SARS1: variants seen among roughly 807,000 people sequenced by gnomAD.
SARS1 encodes the protein seryl-tRNA synthetase 1, also known as serine--tRNA ligase, cytoplasmic.
In SARS1, 25 loss-of-function variants were observed where a neutral mutation model predicts 63.7. The ratio of observed to expected loss-of-function variants is 0.39; its 90% CI spans 0.29 to 0.55. The LOEUF is 0.55. Ranked by LOEUF, SARS1 falls within the 20% of genes least tolerant of loss-of-function variation. SARS1 has a pLI of 0.62. For synonymous variants in SARS1, 231 were observed against 243.5 expected, an observed-to-expected ratio of 0.95 and a Z score of 0.48; for missense variants, 417 against 649.7, an observed-to-expected ratio of 0.64 and a Z score of 3.89.
intron 1 of SARS1, among the ~76,000 whole-genome samples, chr1:109,221,981 T>C (rs1430381558): frequency 0.013 from 73 of 5,442 alleles, no homozygotes; most frequent in South Asian, 0.029. Flanking sequence ...TATATATATA[T>C]ATATATATAT....
chr1:109,221,209 T>G lies in SARS1; in HGVS notation c.137-2769T>G, dbSNP rs578008806. Among the ~76,000 whole-genome samples the G allele has an allele frequency of 3.9e-5, 6 of 152,112 alleles. No individual in the cohort carries two copies. The South Asian group carries it at 1.2e-3, about 32-fold the overall frequency. ...CTGAGTAGCTGGGACTACAGGTGCG[T>G]GCCACCACGCCCAGCTAATTTTTGT... On this transcript the variant is annotated intron_variant, in intron 1 of 10. Coordinates refer to ENST00000234677, the MANE Select transcript of SARS1 (RefSeq NM_006513.4).
Position 109,214,103 on chromosome 1 carries a change from G to A in SARS1, c.111G>A (p.Val37=), listed in dbSNP as rs758134857. ...ACCCGGGACTAGTGGACCAGCTGGT[G>A]AAGGCAGACAGCGAGTGGCGACGAT... is the stretch of plus-strand genomic sequence containing the variant. The part of the protein sequence containing the change: ...FKDPGLVDQL[V]KADSEWRRCR... Residue 37 remains valine (V), a synonymous_variant, in exon 1 of 11, where the codon GTG becomes GTA. Transcript: ENST00000234677. This position sits in a 1 kb window ranked among gnomAD's most constrained non-coding sequence, Gnocchi z 4.6. The A allele has an allele frequency of 1.9e-6, 3 of 1,614,078 alleles. No individual in the cohort carries two copies. In the African/African-American group the frequency reaches 4.0e-5, roughly 22 times the overall value.
At position 109,231,551 on chromosome 1, in the gene SARS1, G is replaced by A. The variant is rs1008545845; in HGVS notation, c.592-80G>A. On this transcript the variant is annotated intron_variant, in intron 5 of 10. Coordinates refer to ENST00000234677, the MANE Select transcript of SARS1 (RefSeq NM_006513.4). ...TCGGTAGTCCTGTTCTCTTGGCCCA[G>A]GTGCCTTTAGGTGTCAGTTCTAGCT... 18 of 1,250,926 alleles carry A rather than the reference G, an allele frequency of 1.4e-5. 2 individuals carry two copies. In the South Asian group the frequency reaches 3.8e-4, roughly 26 times the overall value. The allele number at this position is 1,250,926 out of a possible 1,614,324, so 77.5% of individuals were successfully genotyped here.
In SARS1 at chr1:109,235,400, G is replaced by A. The variant is rs550181025; in HGVS notation, c.938G>A (p.Arg313His). The A allele has an allele frequency of 1.1e-5, 17 of 1,613,598 alleles. No homozygotes were observed. Among genetic ancestry groups the A allele is most frequent in the South Asian group, 4.4e-5 (4 of 91,074 alleles). ...GTGGGCTCCCATGGCCGTGACACCC[G>A]TGGCATCTTCCGAGTCCATCAGTTT... ...QEVGSHGRDT[R>H]GIFRVHQFEK... The change falls in exon 7 of 11, where the codon CGT becomes CAT. Residue 313 changes from arginine (R) to histidine (H), a missense_variant. Arg to His is a conservative substitution (Grantham distance 29). This residue lies in a region of SARS1 where 359 missense variants were observed against 529.6 expected (regional missense o/e 0.68). Coordinates refer to ENST00000234677, the MANE Select transcript of SARS1 (RefSeq NM_006513.4). This position sits in a 1 kb window ranked among gnomAD's most constrained non-coding sequence, Gnocchi z 4.7.
chr1:109,232,036 T>C (rs1229581848), intron 6 of SARS1, among the ~76,000 whole-genome samples: 1 of 152,204 alleles, frequency 6.6e-6, no homozygotes, highest in Non-Finnish European at 1.5e-5. Context: ...TCTTTTACCT[T>C]TCCCTGGGTA....
intron 6 of SARS1, 113 bp downstream of exon 6, chr1:109,231,899 T>A (rs937481460): frequency 1.1e-6 from 1 of 874,348 alleles, no homozygotes; most frequent in South Asian, 3.5e-5. Flanking sequence ...AAACGTTCTC[T>A]CTCTGTGACT....
At chr1:109,213,904 G>C, upstream of SARS1, 2 of 1,465,646 alleles carry the variant, frequency 1.4e-6, no homozygotes, top group Non-Finnish European at 1.8e-6. Context: ...GGAAGGGCGG[G>C]TCAGCGCGCC....
At chr1:109,234,590 T>C (rs183413097) in intron 6 of SARS1, among the ~76,000 whole-genome samples, 1 of 152,368 alleles carries the variant, frequency 6.6e-6, no homozygotes, top group Admixed American at 6.5e-5. Flanking sequence ...CAAGGATTAA[T>C]GTATGTGGCT....
intron 2 of SARS1, 55 bp from the exon 3 acceptor site, chr1:109,228,297 C>T: frequency 1.5e-6 from 2 of 1,294,370 alleles, no homozygotes; most frequent in Non-Finnish European, 2.2e-6. Context: ...CTTTATAAAA[C>T]AATGCCAGAG....
Position 109,214,703 on chromosome 1 carries a change from T to A in SARS1, c.136+575T>A. On this transcript the variant is annotated intron_variant, in intron 1 of 10. Coordinates refer to ENST00000234677, the MANE Select transcript of SARS1 (RefSeq NM_006513.4). This position sits in a 1 kb window ranked among gnomAD's most constrained non-coding sequence, Gnocchi z 4.6. ...CCATCCCCCGACCTATGGGCATACCTTTAAGAATTAGAAAAGTCTTTTCCG... is the reference window on the plus strand; with the variant it reads ...CCATCCCCCGACCTATGGGCATACCATTAAGAATTAGAAAAGTCTTTTCCG... The A allele has an allele frequency of 1.0e-6, 1 of 985,480 alleles. No individual in the cohort carries two copies. Among genetic ancestry groups the A allele is most frequent in the Non-Finnish European group, 1.2e-6 (1 of 829,972 alleles). The allele number at this position is 985,480 out of a possible 1,614,324, so 61.0% of individuals were successfully genotyped here.
At chr1:109,219,262 C>CAGATATATATATATATAT in intron 1 of SARS1, among the ~76,000 whole-genome samples, 1 of 76,950 alleles carries the variant, frequency 1.3e-5, no homozygotes, top group Admixed American at 1.4e-4. Context: ...CAAGACTCTC[C>CAGATATATATATATATAT]ATATATATAT....
intron 1 of SARS1, chr1:109,216,330 A>G (rs1347038062): frequency 1.0e-5 from 10 of 985,312 alleles, no homozygotes; most frequent in Admixed American, 6.1e-5. Flanking sequence ...TAGACTTACA[A>G]GGTACCACTA....
chr1:109,216,977 A>T (rs1255180450), intron 1 of SARS1: 2 of 985,260 alleles, frequency 2.0e-6, no homozygotes, highest in Non-Finnish European at 2.4e-6. Flanking sequence ...ACAGGTCCTT[A>T]TCATTGTTTG....
At chr1:109,221,964 G>T (rs58940404) in intron 1 of SARS1, among the ~76,000 whole-genome samples, 38,766 of 57,756 alleles carry the variant, frequency 0.67, 10,863 homozygotes, top group Non-Finnish European at 0.7. Flanking sequence ...ATTTTTTTGT[G>T]TGTGTGTATA....
rs1386826048 is a variant in SARS1 at position 109,236,830 on chromosome 1, C to T, written c.1257+282C>T. Reference sequence around the variant, plus strand: ...AGAAAGAATAATCTCCATTTATCTACACAGAACAAGTTGGAGGCTTCCCTC... The same window carrying T: ...AGAAAGAATAATCTCCATTTATCTATACAGAACAAGTTGGAGGCTTCCCTC... On this transcript the variant is annotated intron_variant, in intron 9 of 10. Transcript: ENST00000234677. The T allele has an allele frequency of 2.5e-6, 4 of 1,602,724 alleles. No homozygotes were observed. In the South Asian group the frequency reaches 4.5e-5, roughly 18 times the overall value.
intron 1 of SARS1, chr1:109,215,174 C>T (rs2101178398): frequency 1.0e-6 from 1 of 985,392 alleles, no homozygotes; most frequent in Non-Finnish European, 1.2e-6. Context: ...GATTCTATGT[C>T]TTAGGCCCTC....
At chr1:109,233,480 C>T (rs1655247750) in intron 6 of SARS1, among the ~76,000 whole-genome samples, 1 of 102,932 alleles carries the variant, frequency 9.7e-6, no homozygotes, top group South Asian at 3.3e-4. Context: ...ACCTTTCTTC[C>T]TTACTTTTTT....
chr1:109,221,080 G>C (rs555430408), intron 1 of SARS1, among the ~76,000 whole-genome samples: 1 of 123,670 alleles, frequency 8.1e-6, no homozygotes, highest in East Asian at 2.4e-4. Flanking sequence ...TTTTTTTCTT[G>C]AGACAGAGTC....
At chr1:109,220,459 T>C (rs759740711) in intron 1 of SARS1, among the ~76,000 whole-genome samples, 2 of 152,256 alleles carry the variant, frequency 1.3e-5, no homozygotes, top group African/African-American at 2.4e-5. Context: ...TTGCATTTTT[T>C]TGGTGACTAA....
Sources: gnomAD v4.1 joint callset for allele counts (sites outside exome capture counted in the v4.1 genomes callset) on GRCh38, gnomAD v4.1.1 for gene constraint, gnomAD v4.1.1 regional missense constraint, Gnocchi (gnomAD v3.1) non-coding constraint, MANE v1.5 for transcripts, NCBI Gene and HGNC (gene_info 2026-07-23, HGNC 2026-07-21) for gene names.